The following GCA variants were observed in gnomAD, a reference collection of about 807,000 sequenced individuals.
The protein encoded by GCA is grancalcin, EF-hand calcium-binding protein.
A neutral mutation model predicts 32.6 loss-of-function variants in GCA; 30 were observed. The observed-to-expected ratio is 0.92, with a 90% CI of 0.69 to 1.25. The LOEUF (loss-of-function observed/expected upper bound fraction) is 1.25. Among genes scored for constraint, GCA ranks in the 50% most tolerant of loss-of-function variants. The probability of loss-of-function intolerance (pLI) is 0.00; values close to 1 mark genes in which losing one functional copy is unlikely to be tolerated. For missense variants in GCA, 291 were observed against 266.8 expected (o/e 1.09, Z -0.63); for synonymous variants, 102 against 84.6 (o/e 1.21, Z -1.13).
rs80124154 is a variant in GCA, at chr2:162,337,162, T to C, written c.-30-10416T>C. 8.0e-3 allele frequency among the ~76,000 whole-genome samples: 1,225 copies of C among 152,284 alleles called. 105 individuals are homozygous for C. In the East Asian group the frequency reaches 0.2, roughly 25 times the overall value. ...TGCGTCAATGAGCTCTCTTTTCCTC[T>C]AGCTTCTGATCAGATTCAGCCAATG... On this transcript the variant is annotated intron_variant, in intron 1 of 4. Coordinates refer to the GCA transcript ENST00000429691.
At chr2:162,319,582 G>T (rs1683592273) in intron 1 of GCA, among the ~76,000 whole-genome samples, 1 of 151,608 alleles carries the variant, frequency 6.6e-6, no homozygotes, top group Admixed American at 6.5e-5. Context: ...ATCAACATTT[G>T]TCTATGTCAT....
Position 162,345,131 on chromosome 2 carries a change from G to GGTGGTTGTGGTT in GCA, c.27+865_27+876dup, listed in dbSNP as rs1553464761. Reference sequence around the variant, plus strand: ...TGGTGGTGGTGGTGGTGGTGGTGGTGGTGGTTGTGGTTGTGGTTGTTGTTG... The same window carrying GGTGGTTGTGGTT: ...TGGTGGTGGTGGTGGTGGTGGTGGTGGTGGTTGTGGTTGTGGTTGTGGTTGTGGTTGTTGTTG... On this transcript the variant is annotated intron_variant, in intron 1 of 7. Transcript: ENST00000437150. Among the ~76,000 whole-genome samples, 89 of 144,204 alleles carry GGTGGTTGTGGTT rather than the reference G, an allele frequency of 6.2e-4. 4 individuals are homozygous for GGTGGTTGTGGTT. Among genetic ancestry groups the GGTGGTTGTGGTT allele is most frequent in the Admixed American group, 3.7e-3 (48 of 12,960 alleles). The allele number at this position is 144,204 out of a possible 152,430, so 94.6% of individuals were successfully genotyped here. A position where few individuals can be genotyped will look rare whatever the true frequency, so the allele number is the denominator to read the frequency against.
At chr2:162,337,052 C>G (rs1684292423) in intron 1 of GCA, among the ~76,000 whole-genome samples, 1 of 152,134 alleles carries the variant, frequency 6.6e-6, no homozygotes, top group South Asian at 2.1e-4. Context: ...CTTCAGAGTG[C>G]TTGACATTTT....
intron 1 of GCA, among the ~76,000 whole-genome samples, chr2:162,321,629 A>G (rs1434653855): frequency 2.0e-5 from 3 of 152,046 alleles, no homozygotes; most frequent in Admixed American, 6.5e-5. Flanking sequence ...GTCTGAGTTC[A>G]CATCTCAATA....
At chr2:162,363,319 T>C (rs1685653985), downstream of GCA, among the ~76,000 whole-genome samples, 1 of 151,452 alleles carries the variant, frequency 6.6e-6, no homozygotes, top group Admixed American at 6.6e-5. Context: ...GGGTGTTTTA[T>C]TACTTTGAAA....
intron 1 of GCA, among the ~76,000 whole-genome samples, chr2:162,332,532 G>A (rs1299295676): frequency 6.6e-6 from 1 of 151,832 alleles, no homozygotes; most frequent in East Asian, 1.9e-4. Flanking sequence ...AGTAACAAGT[G>A]CAGGAAATCT....
intron 2 of GCA, among the ~76,000 whole-genome samples, chr2:162,351,287 G>C (rs1684985562): frequency 6.6e-6 from 1 of 152,208 alleles, no homozygotes. Context: ...TTATAGATAA[G>C]TAAGTGGAGA....
intron 1 of GCA, among the ~76,000 whole-genome samples, chr2:162,320,660 T>A (rs911545132): frequency 1.3e-5 from 2 of 152,238 alleles, no homozygotes; most frequent in African/African-American, 4.8e-5. Flanking sequence ...ATATTTGGCA[T>A]TCAAATTATA....
At chr2:162,367,773 C>T (rs1233728184), downstream of GCA, among the ~76,000 whole-genome samples, 1 of 151,970 alleles carries the variant, frequency 6.6e-6, no homozygotes, top group African/African-American at 2.4e-5. Flanking sequence ...TGTTTCTGGA[C>T]GAGAAACAAG....
Position 162,355,284 on chromosome 2 carries a change from T to A in GCA, c.263-1154T>A, listed in dbSNP as rs181427705. On this transcript the variant is annotated intron_variant, in intron 3 of 7. Transcript: ENST00000437150. ...AGAACACATTGAGTATCTATTGAGT[T>A]GTCAATTTGAAAATACTACAACCAA... Among the ~76,000 whole-genome samples the A allele has an allele frequency of 2.0e-5, 3 of 152,242 alleles. No homozygotes were observed. The East Asian group carries it at 5.8e-4, about 29-fold the overall frequency.
At chr2:162,347,037 G>A (rs760403499) in intron 1 of GCA, among the ~76,000 whole-genome samples, 2 of 151,988 alleles carry the variant, frequency 1.3e-5, no homozygotes, top group African/African-American at 4.8e-5. Context: ...TTTGCTTCCC[G>A]CCCCTTAAAA....
At chr2:162,363,221 A>G (rs529258426), downstream of GCA, among the ~76,000 whole-genome samples, 1 of 151,434 alleles carries the variant, frequency 6.6e-6, no homozygotes, top group Admixed American at 6.6e-5. Context: ...AAATTTGTTA[A>G]TATCTGGTGA....
At chr2:162,330,668 T>C (rs1166868056) in intron 1 of GCA, among the ~76,000 whole-genome samples, 1 of 152,186 alleles carries the variant, frequency 6.6e-6, no homozygotes, top group Non-Finnish European at 1.5e-5. Context: ...GGTTAGAACT[T>C]TAGTGTCAGT....
At chr2:162,357,018 A>G in intron 5 of GCA, 113 bp downstream of exon 5, 1 of 680,880 alleles carries the variant, frequency 1.5e-6, no homozygotes, top group Non-Finnish European at 2.3e-6. Flanking sequence ...TTTTGCCAGC[A>G]AGTTCCTTTG....
chr2:162,362,088 T>G lies in GCA; in HGVS notation c.*1845T>G. On this transcript the variant is annotated 3_prime_UTR_variant, in exon 8 of 8. Transcript: ENST00000437150. ...CATTTAAAAATGTTCTTATGACTTTTGGTCATAGAAGGTCTATGAAGGAGC... is the reference window on the plus strand; with the variant it reads ...CATTTAAAAATGTTCTTATGACTTTGGGTCATAGAAGGTCTATGAAGGAGC... 2.0e-6 allele frequency: 2 copies of G among 981,030 alleles called. No individual in the cohort carries two copies. Among genetic ancestry groups the G allele is most frequent in the Non-Finnish European group, 2.4e-6 (2 of 826,110 alleles). The allele number at this position is 981,030 out of a possible 1,614,324, so 60.8% of individuals were successfully genotyped here. A position where few individuals can be genotyped will look rare whatever the true frequency, so the allele number is the denominator to read the frequency against.
chr2:162,347,639 G>A lies in GCA; in HGVS notation c.89G>A (p.Gly30Asp), dbSNP rs903383504. 1.9e-6 allele frequency: 3 copies of A among 1,610,284 alleles called. No homozygotes were observed. The highest frequency in any genetic ancestry group is 2.2e-5 in the East Asian group (1 of 44,798). Residue 30 changes from glycine to aspartate, a missense_variant, in exon 2 of 8, where the codon GGC (glycine) becomes GAC (aspartate). Physicochemically the swap from Gly to Asp is moderately conservative, Grantham distance 94. Transcript: ENST00000437150. The stretch of plus-strand genomic sequence containing the variant: ...ATGGGACAGCCAGTGCCAGAAACAG[G>A]CCCAGCTATACTCCTCGATGGATAC... ...MQMGQPVPET[G>D]PAILLDGYSG...
At chr2:162,343,475 ATACT>A (rs1684515457), upstream of GCA, among the ~76,000 whole-genome samples, 1 of 152,344 alleles carries the variant, frequency 6.6e-6, no homozygotes, top group Non-Finnish European at 1.5e-5. Flanking sequence ...TATTTGGGAC[ATACT>A]TACACTAAAA....
chr2:162,320,444 A>G (rs1042620640), intron 1 of GCA, among the ~76,000 whole-genome samples: 14 of 152,228 alleles, frequency 9.2e-5, no homozygotes, highest in African/African-American at 3.4e-4. Flanking sequence ...CTAACAAACC[A>G]AAAAACATTC....
intron 1 of GCA, among the ~76,000 whole-genome samples, chr2:162,325,916 T>C (rs1683860146): frequency 6.6e-6 from 1 of 152,166 alleles, no homozygotes; most frequent in South Asian, 2.1e-4. Flanking sequence ...ACCTGGACCT[T>C]ACTGGGCCCA....
Sources: allele counts gnomAD v4.1 joint callset (sites outside exome capture counted in the v4.1 genomes callset), GRCh38; gene constraint gnomAD v4.1.1; transcripts MANE v1.5; gene names NCBI Gene and HGNC (gene_info 2026-07-23, HGNC 2026-07-21).